The following CALM2 variants were observed in gnomAD, a reference collection of about 807,000 sequenced individuals.
The protein encoded by CALM2 is calmodulin-2.
In CALM2, 2 loss-of-function variants were observed where a neutral mutation model predicts 19.8. The observed-to-expected ratio is 0.10, with a 90% CI of 0.04 to 0.32. CALM2 has a LOEUF of 0.32. CALM2 is among the 10% of genes least tolerant of loss of function. The pLI is 1.00. For missense variants in CALM2, 38 were observed against 178.7 expected, an observed-to-expected ratio of 0.21 and a Z score of 4.49; for synonymous variants, 51 against 52.1, an observed-to-expected ratio of 0.98 and a Z score of 0.09.
chr2:47,167,997 C>A (rs1420237881), intron 2 of CALM2, among the ~76,000 whole-genome samples: 1 of 151,760 alleles, frequency 6.6e-6, no homozygotes, highest in East Asian at 1.9e-4. Flanking sequence ...CTGAAATATA[C>A]CAAATTTGGG....
chr2:47,175,476 T>C (rs1666823913), intron 1 of CALM2, among the ~76,000 whole-genome samples: 1 of 152,228 alleles, frequency 6.6e-6, no homozygotes, highest in Admixed American at 6.5e-5. Context: ...GAACCCTAGC[T>C]GGAGCCGAAC....
intron 2 of CALM2, among the ~76,000 whole-genome samples, chr2:47,170,109 T>C (rs984448556): frequency 6.6e-6 from 1 of 152,214 alleles, no homozygotes; most frequent in African/African-American, 2.4e-5. Context: ...AGGTTTTATG[T>C]AATAATTTTG....
chr2:47,173,447 T>C lies in CALM2; in HGVS notation c.4-2683A>G, dbSNP rs1056806431. 3 of 152,350 alleles carry C rather than the reference T, an allele frequency of 2.0e-5. No homozygotes were observed. In the East Asian group the frequency reaches 5.8e-4, roughly 29 times the overall value. The allele number at this position is 152,350 out of a possible 1,614,324, so 9.4% of individuals were successfully genotyped here. A position where few individuals can be genotyped will look rare whatever the true frequency, so the allele number is the denominator to read the frequency against. ...CACTCCAGAGAAAGTTCCTAGGCATTAGTATACTCTCAGGTTCCTCCCTAG... is the reference window on the plus strand; with the variant it reads ...CACTCCAGAGAAAGTTCCTAGGCATCAGTATACTCTCAGGTTCCTCCCTAG... On this transcript the variant is annotated intron_variant, in intron 1 of 5. Coordinates refer to ENST00000272298, the MANE Select transcript of CALM2 (RefSeq NM_001743.6).
chr2:47,164,315 G>A (rs1284016210), intron 2 of CALM2, among the ~76,000 whole-genome samples: 20 of 139,898 alleles, frequency 1.4e-4, no homozygotes, highest in Admixed American at 9.9e-4. Context: ...TGGGTGTGGC[G>A]GCGTGTGCCT....
upstream of CALM2, chr2:47,176,520 T>C (rs770350861): frequency 3.8e-6 from 6 of 1,597,446 alleles, no homozygotes; most frequent in East Asian, 2.3e-5. Flanking sequence ...CTAATTCGCC[T>C]CCTCCGCCCC....
At position 47,160,478 on chromosome 2, in the gene CALM2, G is replaced by T. The variant is rs1687122129; in HGVS notation, c.*298C>A. ...CCTAAAGAAAACTACTTTAAAAAAG[G>T]CATAACCCAGATGTTCCCTCATTTG... is the stretch of plus-strand genomic sequence containing the variant. On this transcript the variant is annotated 3_prime_UTR_variant, in exon 6 of 6. Transcript: ENST00000272298. 7.4e-6 allele frequency: 2 copies of T among 268,876 alleles called. No homozygotes were observed. The highest frequency in any genetic ancestry group is 1.4e-5 in the Non-Finnish European group (2 of 143,290). The allele number at this position is 268,876 out of a possible 1,614,324, so 16.7% of individuals were successfully genotyped here.
chr2:47,168,406 G>C (rs1666558189), intron 2 of CALM2, among the ~76,000 whole-genome samples: 1 of 152,140 alleles, frequency 6.6e-6, no homozygotes, highest in South Asian at 2.1e-4. Context: ...AACAGGTCCT[G>C]AATGTCACAG....
intron 4 of CALM2, 115 bp downstream of exon 4, chr2:47,162,171 C>CAAAAAAAAAAAAAAAAAAAAA (rs56839340): frequency 5.4e-5 from 7 of 130,130 alleles, no homozygotes; most frequent in East Asian, 2.7e-4. Context: ...GGTAAATCAT[C>CAAAAAAAAAAAAAAAAAAAAA]AAAAAAAAAA....
At chr2:47,162,157 T>A (rs535039575) in intron 4 of CALM2, 129 bp downstream of exon 4, 59 of 441,208 alleles carry the variant, frequency 1.3e-4, no homozygotes, top group Non-Finnish European at 2.0e-4. Flanking sequence ...AATTAAAATA[T>A]GTTGGTAAAT....
upstream of CALM2, chr2:47,176,661 G>C (rs922114762): frequency 6.9e-7 from 1 of 1,458,312 alleles, no homozygotes; most frequent in African/African-American, 1.4e-5. Flanking sequence ...CAGTTATTTG[G>C]TCGATGAGGC....
intron 2 of CALM2, among the ~76,000 whole-genome samples, chr2:47,164,576 AAC>A (rs954348335): frequency 2.0e-5 from 3 of 151,110 alleles, no homozygotes; most frequent in African/African-American, 7.4e-5. Flanking sequence ...CAGCTTGGGC[AAC>A]AGAGTGAGAC....
chr2:47,176,373 GT>G (rs1289299561), intron 1 of CALM2, 67 bp downstream of exon 1: 2 of 1,589,822 alleles, frequency 1.3e-6, no homozygotes, highest in Non-Finnish European at 1.7e-6. Flanking sequence ...AGTTTCCTTT[GT>G]TTAGTCAGTT....
At chr2:47,176,128 C>T in intron 1 of CALM2, 1 of 392,518 alleles carries the variant, frequency 2.5e-6, no homozygotes, top group Non-Finnish European at 4.6e-6. Context: ...TTCACTTTCT[C>T]TCCTTCCCGT....
intron 3 of CALM2, 40 bp from the exon 4 acceptor site, chr2:47,162,432 A>C (rs781628192): frequency 5.2e-5 from 84 of 1,604,240 alleles, no homozygotes; most frequent in Non-Finnish European, 1.0e-5. Context: ...TTTAGTGGAA[A>C]CATATAAGCA....
upstream of CALM2, chr2:47,176,518 C>T (rs370615188): frequency 1.3e-6 from 2 of 1,598,026 alleles, no homozygotes; most frequent in Non-Finnish European, 1.7e-6. Flanking sequence ...GACTAATTCG[C>T]CTCCTCCGCC....
rs1400752450 is a variant in CALM2, at chr2:47,167,809, C to CTTTTTTTTTTT, written c.34+2924_34+2925insAAAAAAAAAAA. The CTTTTTTTTTTT allele has an allele frequency of 1.3e-3, 24 of 18,216 alleles. 2 individuals carry two copies. Among genetic ancestry groups the CTTTTTTTTTTT allele is most frequent in the East Asian group, 3.2e-3 (3 of 944 alleles). The allele number at this position is 18,216 out of a possible 1,614,324, so 1.1% of individuals were successfully genotyped here. A position where few individuals can be genotyped will look rare whatever the true frequency, so the allele number is the denominator to read the frequency against. ...AAAAAAAAAAAAAAAATTTTTTTTT[C>CTTTTTTTTTTT]TTTTCTTTGAGACAGGGTCTTGCTG... On this transcript the variant is annotated intron_variant, in intron 2 of 5. Transcript: ENST00000272298.
At chr2:47,162,203 A>AAAAAAAAAAAAAAACAC (rs1687182716) in intron 4 of CALM2, 83 bp downstream of exon 4, 1 of 487,002 alleles carries the variant, frequency 2.1e-6, no homozygotes, top group African/African-American at 2.4e-5. Flanking sequence ...AAAAAAAACA[A>AAAAAAAAAAAAAAACAC]CCAAAAAAAC....
At chr2:47,172,707 G>A (rs1384375904) in intron 1 of CALM2, 1 of 275,528 alleles carries the variant, frequency 3.6e-6, no homozygotes, top group South Asian at 3.3e-5. Flanking sequence ...CTAAAAAAAA[G>A]TTGAGCTAAA....
At chr2:47,167,865 C>A (rs1666539817) in intron 2 of CALM2, among the ~76,000 whole-genome samples, 2 of 124,830 alleles carry the variant, frequency 1.6e-5, no homozygotes, top group South Asian at 5.2e-4. Flanking sequence ...AACTCCTGGG[C>A]TCAAGCAATC....
Sources: allele counts gnomAD v4.1 joint callset (sites outside exome capture counted in the v4.1 genomes callset), GRCh38; gene constraint gnomAD v4.1.1; transcripts MANE v1.5; gene names NCBI Gene and HGNC (gene_info 2026-07-23, HGNC 2026-07-21).